DCC: variants seen among roughly 807,000 people sequenced by gnomAD.
DCC encodes netrin receptor DCC.
DCC carries 58 observed loss-of-function variants against 172.5 expected under a neutral mutation model. That is an observed-to-expected ratio of 0.34 (90% CI 0.27 to 0.42). The LOEUF (loss-of-function observed/expected upper bound fraction) is 0.42. Among genes scored for constraint, DCC ranks in the 10% least tolerant of loss-of-function variants. The probability of loss-of-function intolerance (pLI) is 1.00; values close to 1 mark genes in which losing one functional copy is unlikely to be tolerated. For missense variants in DCC, 1,740 were observed against 1,791.0 expected (o/e 0.97, Z 0.51); for synonymous variants, 709 against 644.5 (o/e 1.10, Z -1.52).
chr18:53,071,019 A>T (rs1310372635), intron 7 of DCC, among the ~76,000 whole-genome samples: 1 of 152,200 alleles, frequency 6.6e-6, no homozygotes, highest in Admixed American at 6.5e-5. Flanking sequence ...ATTTTGAAGT[A>T]CATTGTGGGC....
At chr18:53,472,023 A>G (rs1237901337) in intron 25 of DCC, among the ~76,000 whole-genome samples, 1 of 152,166 alleles carries the variant, frequency 6.6e-6, no homozygotes, top group Non-Finnish European at 1.5e-5. Flanking sequence ...CATGCACTCA[A>G]TACCATTTAG....
chr18:52,347,300 C>T (rs542570324), intron 1 of DCC, among the ~76,000 whole-genome samples: 1 of 152,166 alleles, frequency 6.6e-6, no homozygotes, highest in South Asian at 2.1e-4. Flanking sequence ...ACTTATTTTT[C>T]TATAGTCTTT....
At chr18:53,523,921 C>A (rs1017262175) in intron 27 of DCC, among the ~76,000 whole-genome samples, 6 of 151,318 alleles carry the variant, frequency 4.0e-5, no homozygotes, top group Non-Finnish European at 7.4e-5. Flanking sequence ...AAGGGGGAGG[C>A]AGGAGAAAAG....
intron 1 of DCC, among the ~76,000 whole-genome samples, chr18:52,472,609 C>T (rs941549193): frequency 6.6e-6 from 1 of 152,096 alleles, no homozygotes; most frequent in Non-Finnish European, 1.5e-5. Flanking sequence ...TTTGTATTTC[C>T]AAGGCCCTTA....
chr18:53,448,412 A>G (rs1912764844), intron 22 of DCC, among the ~76,000 whole-genome samples: 2 of 152,160 alleles, frequency 1.3e-5, no homozygotes, highest in African/African-American at 4.8e-5. Context: ...AAACCATCAG[A>G]CCTTGTTGTG....
In DCC at chr18:52,375,682, A is replaced by C. The variant is rs141825460; in HGVS notation, c.91+34804A>C. 3.5e-3 allele frequency among the ~76,000 whole-genome samples: 537 copies of C among 152,266 alleles called. 2 individuals carry two copies. The highest frequency in any genetic ancestry group is 0.012 in the African/African-American group (493 of 41,552). ...AGTCTTGTCTCACAATTTTAAATGG[A>C]AGTATAGTGGCCAGAAATATAGTAT... On this transcript the variant is annotated intron_variant, in intron 1 of 28. Coordinates refer to ENST00000442544, the MANE Select transcript of DCC (RefSeq NM_005215.4).
At chr18:52,744,303 T>C (rs371195120) in intron 1 of DCC, among the ~76,000 whole-genome samples, 19 of 152,324 alleles carry the variant, frequency 1.2e-4, no homozygotes, top group Middle Eastern at 3.4e-3. Flanking sequence ...GGAGAAACTT[T>C]GACTGTTCCT....
At chr18:52,829,378 T>G (rs1301226096) in intron 2 of DCC, among the ~76,000 whole-genome samples, 3 of 152,194 alleles carry the variant, frequency 2.0e-5, no homozygotes, top group African/African-American at 7.2e-5. Context: ...TTGCTTTAGA[T>G]CTATTATTTA....
At chr18:52,446,078 G>A (rs550131050) in intron 1 of DCC, among the ~76,000 whole-genome samples, 2 of 152,064 alleles carry the variant, frequency 1.3e-5, no homozygotes, top group African/African-American at 4.8e-5. Flanking sequence ...GACTACAGGC[G>A]CCCGCCACCG....
chr18:53,424,301 A>G (rs1349316451), intron 21 of DCC, among the ~76,000 whole-genome samples: 1 of 152,220 alleles, frequency 6.6e-6, no homozygotes. Context: ...AAGTATGAAA[A>G]GAACTAGACT....
chr18:52,347,631 G>A (rs1479993747), intron 1 of DCC, among the ~76,000 whole-genome samples: 1 of 152,070 alleles, frequency 6.6e-6, no homozygotes, highest in Non-Finnish European at 1.5e-5. Context: ...AGACATAGGG[G>A]ACTAAGTTTT....
intron 2 of DCC, among the ~76,000 whole-genome samples, chr18:52,833,604 T>C (rs1444920388): frequency 6.6e-6 from 1 of 152,098 alleles, no homozygotes; most frequent in Non-Finnish European, 1.5e-5. Context: ...AATGCTAAGG[T>C]TTCTGGTCTG....
At chr18:52,847,493 T>C (rs1185424228) in intron 2 of DCC, among the ~76,000 whole-genome samples, 1 of 152,192 alleles carries the variant, frequency 6.6e-6, no homozygotes, top group African/African-American at 2.4e-5. Context: ...AACAGCATAA[T>C]AATGATGCAT....
At chr18:53,180,793 A>G (rs2055183485) in intron 9 of DCC, among the ~76,000 whole-genome samples, 1 of 152,018 alleles carries the variant, frequency 6.6e-6, no homozygotes, top group Non-Finnish European at 1.5e-5. Context: ...TTGTATTTTT[A>G]GTAGAGACGA....
rs774386630 is a variant in DCC at position 53,339,754 on chromosome 18, C to A, written c.2206C>A (p.Pro736Thr). The change falls in exon 15 of 29, where the codon CCC becomes ACC. Residue 736 changes from proline (P) to threonine (T), a missense_variant. Physicochemically the swap from Pro to Thr is conservative, Grantham distance 38 (BLOSUM62 -1). Transcript: ENST00000442544. Reference sequence around the variant, plus strand: ...TCAACCAAGCTCTCTTCATGTGAGGCCCCAGACTAACTGCATCATCATGAG... The same window carrying A: ...TCAACCAAGCTCTCTTCATGTGAGGACCCAGACTAACTGCATCATCATGAG... ...PDQPSSLHVR[P>T]QTNCIIMSWT... 1 of 1,613,860 alleles carries A rather than the reference C, an allele frequency of 6.2e-7. No homozygotes were observed. Among genetic ancestry groups the A allele is most frequent in the South Asian group, 1.1e-5 (1 of 91,072 alleles).
At chr18:53,333,049 G>A (rs911543108) in intron 14 of DCC, among the ~76,000 whole-genome samples, 4 of 144,116 alleles carry the variant, frequency 2.8e-5, no homozygotes, top group Non-Finnish European at 4.5e-5. Flanking sequence ...CAGCCTGGGT[G>A]ACAGAGTGAG....
intron 12 of DCC, among the ~76,000 whole-genome samples, chr18:53,236,546 AATTGGCGGCTTAC>A (rs1356667003): frequency 6.6e-6 from 1 of 152,076 alleles, no homozygotes; most frequent in Non-Finnish European, 1.5e-5. Flanking sequence ...ATTTTATACA[AATTGGCGGCTTAC>A]CTTTTTACTT....
At chr18:52,671,583 C>T (rs80105015) in intron 1 of DCC, among the ~76,000 whole-genome samples, 12 of 149,332 alleles carry the variant, frequency 8.0e-5, no homozygotes, top group East Asian at 7.8e-4. Flanking sequence ...TCACCCACCC[C>T]GGCTGGAGCA....
chr18:52,953,851 G>C (rs919531142), intron 5 of DCC, among the ~76,000 whole-genome samples: 3 of 152,208 alleles, frequency 2.0e-5, no homozygotes, highest in African/African-American at 7.2e-5. Context: ...TTACTTTTCA[G>C]AAAGATTGTG....
Sources: allele counts gnomAD v4.1 joint callset (sites outside exome capture counted in the v4.1 genomes callset), GRCh38; gene constraint gnomAD v4.1.1; transcripts MANE v1.5; gene names NCBI Gene and HGNC (gene_info 2026-07-23, HGNC 2026-07-21).